The following GTF2A1L variants were observed in gnomAD, a reference collection of about 807,000 sequenced individuals.
The protein encoded by GTF2A1L is TFIIA-alpha and beta-like factor.
A neutral mutation model predicts 49.7 loss-of-function variants in GTF2A1L; 48 were observed. That is an observed-to-expected ratio of 0.97 (90% confidence interval 0.77 to 1.23). GTF2A1L has a LOEUF of 1.23. GTF2A1L is among the 50% of genes most tolerant of loss of function. The pLI, the probability that GTF2A1L is intolerant of heterozygous loss-of-function variation, is 0.00. For missense variants in GTF2A1L, 736 were observed against 564.8 expected, an observed-to-expected ratio of 1.30 and a Z score of -3.07; for synonymous variants, 246 against 193.5, an observed-to-expected ratio of 1.27 and a Z score of -2.25.
chr2:48,663,431 A>G (rs1381515622), intron 6 of GTF2A1L, among the ~76,000 whole-genome samples: 1 of 152,112 alleles, frequency 6.6e-6, no homozygotes, highest in African/African-American at 2.4e-5. Flanking sequence ...GTGAGACCCT[A>G]TCTCAATCAA....
intron 6 of GTF2A1L, among the ~76,000 whole-genome samples, chr2:48,652,869 ATTT>A (rs1677936335): frequency 6.6e-6 from 1 of 150,638 alleles, no homozygotes; most frequent in Non-Finnish European, 1.5e-5. Context: ...TAGTTTTTGT[ATTT>A]TTGGTAGACA....
intron 6 of GTF2A1L, among the ~76,000 whole-genome samples, chr2:48,656,249 A>G (rs1678162034): frequency 6.6e-6 from 1 of 151,960 alleles, no homozygotes; most frequent in Non-Finnish European, 1.5e-5. Context: ...CTTATTAGGA[A>G]CTGCCATACA....
intron 1 of GTF2A1L, 146 bp downstream of exon 1, chr2:48,618,041 C>A: frequency 1.2e-6 from 1 of 842,840 alleles, no homozygotes; most frequent in Non-Finnish European, 1.8e-6. Flanking sequence ...GGCTCTTCTT[C>A]ACGTCTGTGT....
intron 3 of GTF2A1L, 37 bp downstream of exon 3, chr2:48,621,327 T>C (rs772003453): frequency 1.2e-6 from 2 of 1,613,016 alleles, no homozygotes; most frequent in African/African-American, 1.3e-5. Context: ...TGTTAGTATC[T>C]TCAGAACAAA....
At chr2:48,649,828 A>C (rs1244434598) in intron 6 of GTF2A1L, among the ~76,000 whole-genome samples, 1 of 152,170 alleles carries the variant, frequency 6.6e-6, no homozygotes, top group African/African-American at 2.4e-5. Context: ...TCTCTGCCAA[A>C]GTTTCCTATT....
At chr2:48,671,552 A>G (rs1459423084) in intron 7 of GTF2A1L, 39 bp from the exon 8 acceptor site, 2 of 1,588,416 alleles carry the variant, frequency 1.3e-6, no homozygotes, top group African/African-American at 1.4e-5. Flanking sequence ...AATTTAAAGC[A>G]TCATAAAATT....
chr2:48,647,048 G>A lies in GTF2A1L; in HGVS notation c.978+6G>A. 6.3e-7 allele frequency: 1 copy of A among 1,577,828 alleles called. No individual in the cohort carries two copies. The highest frequency in any genetic ancestry group is 8.6e-7 in the Non-Finnish European group (1 of 1,162,964). On this transcript the variant is annotated splice_donor_region_variant and intron_variant, in intron 6 of 8. Transcript: ENST00000403751. The stretch of plus-strand genomic sequence containing the variant: ...ACATACCTGTATCAGAGAAGGTATA[G>A]TTCTGTGTCCAACTTCTTGGTATCA...
intron 6 of GTF2A1L, among the ~76,000 whole-genome samples, chr2:48,651,510 A>G (rs558809646): frequency 6.7e-6 from 1 of 148,864 alleles, no homozygotes; most frequent in South Asian, 2.1e-4. Context: ...AAAATTTGGT[A>G]CTCTATACCA....
intron 3 of GTF2A1L, 24 bp from the exon 4 acceptor site, chr2:48,642,378 A>G (rs1386344546): frequency 1.9e-6 from 3 of 1,545,140 alleles, no homozygotes; most frequent in South Asian, 1.3e-5. Context: ...TAATGAATGT[A>G]TATTTATTTT....
intron 3 of GTF2A1L, among the ~76,000 whole-genome samples, chr2:48,637,294 A>G (rs1356664581): frequency 6.6e-6 from 1 of 152,248 alleles, no homozygotes; most frequent in East Asian, 1.9e-4. Flanking sequence ...TTTGATGGTG[A>G]ATAAGAAACA....
At chr2:48,635,101 T>C (rs555885514) in intron 3 of GTF2A1L, among the ~76,000 whole-genome samples, 2 of 152,304 alleles carry the variant, frequency 1.3e-5, no homozygotes, top group South Asian at 4.1e-4. Flanking sequence ...GAGATCTGCC[T>C]GGGCATGGAG....
chr2:48,643,512 A>T (rs1558728498), intron 4 of GTF2A1L, among the ~76,000 whole-genome samples: 1 of 152,084 alleles, frequency 6.6e-6, no homozygotes, highest in African/African-American at 2.4e-5. Context: ...TTGATAGGAG[A>T]CCAATGAAGA....
intron 8 of GTF2A1L, among the ~76,000 whole-genome samples, chr2:48,674,286 C>T (rs1381829674): frequency 6.6e-6 from 1 of 152,172 alleles, no homozygotes; most frequent in Non-Finnish European, 1.5e-5. Flanking sequence ...CTTTCTAATT[C>T]TAACCATTCT....
At chr2:48,658,328 A>T (rs1678295261) in intron 6 of GTF2A1L, among the ~76,000 whole-genome samples, 1 of 152,204 alleles carries the variant, frequency 6.6e-6, no homozygotes, top group Non-Finnish European at 1.5e-5. Context: ...ATGGCTAGCC[A>T]GCTATCCCAT....
intron 3 of GTF2A1L, among the ~76,000 whole-genome samples, chr2:48,636,128 C>T (rs945690384): frequency 5.9e-5 from 9 of 152,288 alleles, no homozygotes; most frequent in African/African-American, 1.7e-4. Context: ...TGAATTAAAG[C>T]TCAAACCATT....
chr2:48,643,954 C>G (rs778116093), intron 4 of GTF2A1L, among the ~76,000 whole-genome samples: 3 of 152,114 alleles, frequency 2.0e-5, no homozygotes, highest in Non-Finnish European at 4.4e-5. Context: ...CCACCATGGC[C>G]TCCCAAAGTG....
intron 8 of GTF2A1L, 21 bp from the exon 9 acceptor site, chr2:48,679,314 A>T (rs1679640089): frequency 6.2e-7 from 1 of 1,601,532 alleles, no homozygotes; most frequent in Admixed American, 1.8e-5. Flanking sequence ...TAATTAATGT[A>T]AACTACTTTT....
intron 8 of GTF2A1L, among the ~76,000 whole-genome samples, chr2:48,676,807 C>T (rs908781001): frequency 5.3e-5 from 8 of 151,214 alleles, no homozygotes; most frequent in Non-Finnish European, 1.2e-4. Context: ...TCATATATAT[C>T]TATATATCTA....
intron 8 of GTF2A1L, among the ~76,000 whole-genome samples, chr2:48,674,708 G>T (rs1282213883): frequency 1.3e-5 from 2 of 152,040 alleles, no homozygotes. Context: ...TATGGATGTG[G>T]TATCCTTTGT....
Sources: allele counts gnomAD v4.1 joint callset (sites outside exome capture counted in the v4.1 genomes callset), GRCh38; gene constraint gnomAD v4.1.1; transcripts MANE v1.5; gene names NCBI Gene and HGNC (gene_info 2026-07-23, HGNC 2026-07-21).